Variants in IFT74 observed in about 807,000 individuals in gnomAD.
IFT74 encodes the protein intraflagellar transport protein 74 homolog.
IFT74 carries 92 observed loss-of-function variants against 96.7 expected under a neutral mutation model. The observed-to-expected ratio is 0.95, with a 90% CI of 0.80 to 1.13. The LOEUF (loss-of-function observed/expected upper bound fraction) is 1.13. Ranked by LOEUF, IFT74 falls within the 50% of genes most tolerant of loss-of-function variation. The probability of loss-of-function intolerance (pLI) is 0.00; values close to 1 mark genes in which losing one functional copy is unlikely to be tolerated. For missense variants in IFT74, 811 were observed against 698.2 expected, an observed-to-expected ratio of 1.16 and a Z score of -1.82; for synonymous variants, 223 against 213.2, an observed-to-expected ratio of 1.05 and a Z score of -0.40.
At chr9:27,048,388 C>A in intron 16 of IFT74, 114 bp downstream of exon 16, 1 of 672,616 alleles carries the variant, frequency 1.5e-6, no homozygotes, top group Non-Finnish European at 2.4e-6. Flanking sequence ...TGCCTATTGC[C>A]CCAGAATTAT....
At chr9:27,035,386 T>G (rs910887461) in intron 13 of IFT74, among the ~76,000 whole-genome samples, 1 of 152,270 alleles carries the variant, frequency 6.6e-6, no homozygotes, top group Non-Finnish European at 1.5e-5. Flanking sequence ...AAGAATGAAT[T>G]ATTATTGTTC....
At chr9:27,060,920 C>CCACT (rs1206583032) in intron 19 of IFT74, 1 of 182,754 alleles carries the variant, frequency 5.5e-6, no homozygotes, top group East Asian at 1.3e-4. Context: ...CGAGATGGCA[C>CCACT]CACTGCACTC....
chr9:27,021,802 C>A (rs912946748), intron 12 of IFT74, among the ~76,000 whole-genome samples: 1 of 152,106 alleles, frequency 6.6e-6, no homozygotes, highest in Admixed American at 6.5e-5. Context: ...TCTGCTGATT[C>A]TTTTGTGGTG....
At chr9:27,021,584 G>A (rs115717241) in intron 12 of IFT74, among the ~76,000 whole-genome samples, 1,888 of 152,206 alleles carry the variant, frequency 0.012, 38 homozygotes, top group African/African-American at 0.042. Context: ...TGATAATGAT[G>A]TTGAGCATCA....
At chr9:26,991,522 C>G (rs1017730639) in intron 8 of IFT74, among the ~76,000 whole-genome samples, 1 of 152,098 alleles carries the variant, frequency 6.6e-6, no homozygotes, top group African/African-American at 2.4e-5. Flanking sequence ...ACCCGGCCAC[C>G]ATCTATCATT....
chr9:27,003,051 C>T (rs992244562), intron 8 of IFT74, among the ~76,000 whole-genome samples: 5 of 152,022 alleles, frequency 3.3e-5, no homozygotes, highest in African/African-American at 9.7e-5. Context: ...TTGTAGCTAT[C>T]GTAAACAGGC....
At chr9:27,041,316 T>C (rs1275776512) in intron 13 of IFT74, among the ~76,000 whole-genome samples, 2 of 152,176 alleles carry the variant, frequency 1.3e-5, no homozygotes, top group South Asian at 2.1e-4. Context: ...TACATTCCTG[T>C]CAGAGCACTT....
In IFT74 at chr9:27,029,011, A is replaced by C; in HGVS notation, c.975-14A>C. On this transcript the variant is annotated splice_polypyrimidine_tract_variant and intron_variant, in intron 12 of 19. Coordinates refer to ENST00000380062, the MANE Select transcript of IFT74 (RefSeq NM_025103.4). ...ATATTTCCTTCATAAATTCATTAAA[A>C]ATATTTTCAACAGGTTAACAGATAC... 2.6e-6 allele frequency: 4 copies of C among 1,567,250 alleles called. No individual in the cohort carries two copies. The highest frequency in any genetic ancestry group is 3.5e-6 in the Non-Finnish European group (4 of 1,152,680).
At chr9:26,975,934 G>A (rs1440246207) in intron 2 of IFT74, among the ~76,000 whole-genome samples, 2 of 151,856 alleles carry the variant, frequency 1.3e-5, no homozygotes, top group Admixed American at 6.6e-5. Flanking sequence ...CCACGGGACC[G>A]TGCAGATAGG....
At chr9:27,030,620 C>G (rs1408647416) in intron 13 of IFT74, among the ~76,000 whole-genome samples, 1 of 149,436 alleles carries the variant, frequency 6.7e-6, no homozygotes, top group Non-Finnish European at 1.5e-5. Flanking sequence ...TGTGTGCTAA[C>G]TAGAAACAAT....
chr9:26,957,148 G>T (rs533878656), intron 1 of IFT74, among the ~76,000 whole-genome samples: 1 of 152,334 alleles, frequency 6.6e-6, no homozygotes, highest in East Asian at 1.9e-4. Flanking sequence ...TGGAAATTGT[G>T]TGACTCTTTG....
intron 8 of IFT74, chr9:26,998,111 G>A (rs1828266140): frequency 2.5e-6 from 4 of 1,613,120 alleles, no homozygotes; most frequent in Non-Finnish European, 3.4e-6. Flanking sequence ...TAAAAAGTAT[G>A]TCTGTAGAAC....
chr9:27,060,328 C>T (rs1334516476), intron 18 of IFT74, among the ~76,000 whole-genome samples: 1 of 151,938 alleles, frequency 6.6e-6, no homozygotes, highest in Non-Finnish European at 1.5e-5. Context: ...AATTGTCTTT[C>T]AGTTGGCATG....
chr9:26,965,525 G>A (rs570322687), intron 2 of IFT74, among the ~76,000 whole-genome samples: 2 of 151,708 alleles, frequency 1.3e-5, no homozygotes, highest in South Asian at 2.1e-4. Context: ...GGATAGTAAG[G>A]GTATCTTTTT....
intron 10 of IFT74, among the ~76,000 whole-genome samples, chr9:27,012,719 T>G (rs1283918903): frequency 7.3e-6 from 1 of 137,720 alleles, no homozygotes; most frequent in South Asian, 2.4e-4. Flanking sequence ...TTTTTTTTTT[T>G]TTTTTTTTTT....
At chr9:26,961,280 C>T (rs964911636) in intron 1 of IFT74, among the ~76,000 whole-genome samples, 40 of 151,786 alleles carry the variant, frequency 2.6e-4, no homozygotes, top group Non-Finnish European at 7.4e-5. Context: ...TTAGTAGAGA[C>T]GGGGTTTCCC....
chr9:27,017,135 A>C, intron 11 of IFT74, 85 bp downstream of exon 11: 2 of 1,085,464 alleles, frequency 1.8e-6, no homozygotes, highest in Admixed American at 5.0e-5. Context: ...TATTAATGCA[A>C]GTAGTAAAGC....
chr9:27,028,960 C>A (rs953205921), intron 12 of IFT74, 65 bp from the exon 13 acceptor site: 47 of 1,389,726 alleles, frequency 3.4e-5, no homozygotes, highest in Non-Finnish European at 4.1e-5. Flanking sequence ...TCTAACCTCC[C>A]CATCAATTGT....
intron 16 of IFT74, among the ~76,000 whole-genome samples, chr9:27,054,043 T>C (rs950835909): frequency 3.3e-5 from 5 of 152,246 alleles, no homozygotes; most frequent in Admixed American, 3.3e-4. Flanking sequence ...TGGTTGACTT[T>C]TAAAACTCTT....
Sources: gnomAD v4.1 joint callset for allele counts (sites outside exome capture counted in the v4.1 genomes callset) on GRCh38, gnomAD v4.1.1 for gene constraint, MANE v1.5 for transcripts, NCBI Gene and HGNC (gene_info 2026-07-23, HGNC 2026-07-21) for gene names.